The following CPA6 variants were observed in gnomAD, a reference collection of about 807,000 sequenced individuals.
The protein encoded by CPA6 is carboxypeptidase B.
In CPA6, 58 loss-of-function variants were observed where a neutral mutation model predicts 63.3. The ratio of observed to expected loss-of-function variants is 0.92; its 90% CI spans 0.74 to 1.14. CPA6 has a LOEUF of 1.14. Among genes scored for constraint, CPA6 ranks in the 50% most tolerant of loss-of-function variants. CPA6 has a pLI of 0.00. For synonymous variants in CPA6, 185 were observed against 179.0 expected (o/e 1.03, Z -0.27); for missense variants, 565 against 526.6 (o/e 1.07, Z -0.71).
chr8:67,541,585 G>T (rs781051944), intron 2 of CPA6, among the ~76,000 whole-genome samples: 6 of 152,100 alleles, frequency 3.9e-5, no homozygotes, highest in Non-Finnish European at 7.4e-5. Context: ...GCCCTTAGAA[G>T]GGACAGGAAT....
At chr8:67,645,200 C>T (rs1309583324) in intron 1 of CPA6, among the ~76,000 whole-genome samples, 1 of 152,080 alleles carries the variant, frequency 6.6e-6, no homozygotes, top group East Asian at 1.9e-4. Flanking sequence ...CACATCAGAT[C>T]GTAAGGTTAA....
At chr8:67,559,215 C>T (rs556540341) in intron 2 of CPA6, among the ~76,000 whole-genome samples, 25 of 152,110 alleles carry the variant, frequency 1.6e-4, no homozygotes, top group Admixed American at 2.6e-4. Context: ...TGTTTCTAAA[C>T]CATTTAATAT....
intron 2 of CPA6, among the ~76,000 whole-genome samples, chr8:67,605,080 G>GTTT (rs34741776): frequency 2.6e-4 from 37 of 145,040 alleles, no homozygotes; most frequent in East Asian, 8.0e-4. Context: ...GCCCAGCCAC[G>GTTT]TTTTTTTTTT....
At chr8:67,596,499 T>C (rs948309683) in intron 2 of CPA6, among the ~76,000 whole-genome samples, 6 of 152,156 alleles carry the variant, frequency 3.9e-5, no homozygotes, top group African/African-American at 1.2e-4. Context: ...TGCCTCTTTG[T>C]AGTTTCACTG....
rs1368777086 is a variant in CPA6 at position 67,434,154 on chromosome 8, A to G, written c.925T>C (p.Phe309Leu). 1.2e-6 allele frequency: 2 copies of G among 1,614,004 alleles called. No homozygotes were observed. Among genetic ancestry groups the G allele is most frequent in the Admixed American group, 3.3e-5 (2 of 60,004 alleles). Residue 309 changes from phenylalanine (F) to leucine (L), a missense_variant, in exon 9 of 11, where the codon TTC becomes CTC. Phe to Leu is a conservative substitution (Grantham distance 22). Transcript: ENST00000297770. Reference sequence around the variant, plus strand: ...ATGTGCTTTCTGTGTTTTCGAAGGAAGTTAGCTACAGCCTTCACTTCCGGC... The same window carrying G: ...ATGTGCTTTCTGTGTTTTCGAAGGAGGTTAGCTACAGCCTTCACTTCCGGC... ...SEPEVKAVAN[F>L]LRKHRKHIRA...
chr8:67,733,518 C>G (rs1045395765), intron 1 of CPA6, among the ~76,000 whole-genome samples: 1 of 152,168 alleles, frequency 6.6e-6, no homozygotes, highest in East Asian at 1.9e-4. Context: ...TATCACCTTT[C>G]TACATTTTAT....
At chr8:67,495,649 A>T (rs547530687) in intron 6 of CPA6, among the ~76,000 whole-genome samples, 13 of 151,988 alleles carry the variant, frequency 8.6e-5, no homozygotes, top group African/African-American at 3.1e-4. Flanking sequence ...GCTCTCTGAC[A>T]ATGGGATGTG....
At chr8:67,441,573 G>T (rs1810295488) in intron 8 of CPA6, among the ~76,000 whole-genome samples, 1 of 152,058 alleles carries the variant, frequency 6.6e-6, no homozygotes, top group South Asian at 2.1e-4. Context: ...ATCCTACCAG[G>T]TATTAAAACA....
At chr8:67,682,307 G>A (rs1816615924) in intron 1 of CPA6, among the ~76,000 whole-genome samples, 1 of 151,770 alleles carries the variant, frequency 6.6e-6, no homozygotes, top group Admixed American at 6.6e-5. Context: ...ATTCTGTCTT[G>A]TCTAATCTGC....
At chr8:67,504,293 T>A (rs928271364) in intron 6 of CPA6, among the ~76,000 whole-genome samples, 10 of 152,176 alleles carry the variant, frequency 6.6e-5, no homozygotes, top group Non-Finnish European at 8.8e-5. Context: ...CAAGGAATGG[T>A]AGGCAGACTT....
At chr8:67,573,422 A>T (rs1813536366) in intron 2 of CPA6, among the ~76,000 whole-genome samples, 1 of 152,242 alleles carries the variant, frequency 6.6e-6, no homozygotes, top group African/African-American at 2.4e-5. Context: ...AATTCAGTAA[A>T]GTTGCAGAAT....
At chr8:67,507,671 A>G (rs1336404992) in intron 5 of CPA6, among the ~76,000 whole-genome samples, 2 of 152,156 alleles carry the variant, frequency 1.3e-5, no homozygotes, top group Non-Finnish European at 2.9e-5. Flanking sequence ...ACTAGTGGAG[A>G]GGGCAAACAT....
chr8:67,435,895 C>G (rs1001615330), intron 8 of CPA6, among the ~76,000 whole-genome samples: 5 of 151,528 alleles, frequency 3.3e-5, no homozygotes, highest in Admixed American at 3.3e-4. Flanking sequence ...CCTGCCTTCC[C>G]TCCCCTGACC....
At chr8:67,633,866 C>CT (rs1208355989) in intron 1 of CPA6, among the ~76,000 whole-genome samples, 12 of 150,006 alleles carry the variant, frequency 8.0e-5, no homozygotes, top group Non-Finnish European at 1.6e-4. Flanking sequence ...CCTTAAGAAT[C>CT]TTTTTTTCTC....
At position 67,517,890 on chromosome 8, in the gene CPA6, T is replaced by G. The variant is rs368841085; in HGVS notation, c.317+33A>C. ...ACCATTTGGTTCAGTTTAGTACCAA[T>G]AAATTTTATAGCAAGTGAAAAGGAA... On this transcript the variant is annotated intron_variant, in intron 3 of 10. Coordinates refer to ENST00000297770, the MANE Select transcript of CPA6 (RefSeq NM_020361.5). The G allele has an allele frequency of 3.8e-6, 6 of 1,581,038 alleles. No homozygotes were observed. In the African/African-American group the frequency reaches 8.1e-5, roughly 21 times the overall value.
intron 1 of CPA6, among the ~76,000 whole-genome samples, chr8:67,637,981 T>TTGTGTG (rs3055710): frequency 0.24 from 35,105 of 146,532 alleles, 4,441 homozygotes; most frequent in African/African-American, 0.27. Context: ...GCTAGAAATT[T>TTGTGTG]TGTGTGTGTG....
Sources: gnomAD v4.1 joint callset for allele counts (sites outside exome capture counted in the v4.1 genomes callset) on GRCh38, gnomAD v4.1.1 for gene constraint, MANE v1.5 for transcripts, NCBI Gene and HGNC (gene_info 2026-07-23, HGNC 2026-07-21) for gene names.